Variants in RHEB observed in about 807,000 individuals in gnomAD.
RHEB encodes the protein GTP-binding protein Rheb.
Under a neutral mutation model 28.8 loss-of-function variants are expected in RHEB, and 2 were observed. The observed-to-expected ratio is 0.07, with a 90% CI of 0.03 to 0.22. RHEB has a LOEUF of 0.22. RHEB is among the 10% of genes least tolerant of loss of function. RHEB has a pLI of 1.00. For synonymous variants in RHEB, 69 were observed against 77.3 expected (o/e 0.89, Z 0.56); for missense variants, 76 against 219.9 (o/e 0.35, Z 4.14).
intron 3 of RHEB, among the ~76,000 whole-genome samples, chr7:151,478,383 T>C (rs1348898878): frequency 7.1e-6 from 1 of 141,636 alleles, no homozygotes; most frequent in Admixed American, 6.9e-5. Context: ...TAAAGTTCTT[T>C]AAAGAAAAAA....
At chr7:151,503,126 G>A in intron 1 of RHEB, 2 of 806,492 alleles carry the variant, frequency 2.5e-6, no homozygotes, top group Non-Finnish European at 4.5e-6. Context: ...AATGGTCTAT[G>A]AAAATCTGGA....
chr7:151,480,540 T>A (rs1802364653), intron 3 of RHEB, among the ~76,000 whole-genome samples: 1 of 152,170 alleles, frequency 6.6e-6, no homozygotes, highest in Non-Finnish European at 1.5e-5. Flanking sequence ...TCTTAAGTTT[T>A]ACTATTTACA....
chr7:151,467,288 C>T (rs910676422), intron 7 of RHEB, 77 bp from the exon 8 acceptor site: 65 of 1,072,958 alleles, frequency 6.1e-5, no homozygotes, highest in Non-Finnish European at 7.3e-5. Context: ...CTGAGGAGGG[C>T]GTGCCGCCTG....
In RHEB at chr7:151,475,611, T is replaced by C. The variant is rs537169803; in HGVS notation, c.275+1722A>G. ...ATAAAAATGGCCAATAGTTTTACTA[T>C]TTAAAGTGCTCTTATAAGTCAGTAA... On this transcript the variant is annotated intron_variant, in intron 4 of 7. Transcript: ENST00000262187. Among the ~76,000 whole-genome samples the C allele has an allele frequency of 1.2e-4, 19 of 152,342 alleles. No homozygotes were observed. In the South Asian group the frequency reaches 2.1e-3, roughly 17 times the overall value.
At chr7:151,483,321 T>C (rs1802411000) in intron 3 of RHEB, among the ~76,000 whole-genome samples, 1 of 152,152 alleles carries the variant, frequency 6.6e-6, no homozygotes, top group African/African-American at 2.4e-5. Flanking sequence ...TTATTCTGGG[T>C]CTACTCCAAT....
chr7:151,475,288 G>A (rs1486841822), intron 4 of RHEB, among the ~76,000 whole-genome samples: 1 of 152,106 alleles, frequency 6.6e-6, no homozygotes, highest in Admixed American at 6.5e-5. Flanking sequence ...AAAAATCAGT[G>A]GATGCACTAA....
At chr7:151,482,462 C>A (rs1296975182) in intron 3 of RHEB, among the ~76,000 whole-genome samples, 1 of 152,186 alleles carries the variant, frequency 6.6e-6, no homozygotes, top group African/African-American at 2.4e-5. Flanking sequence ...CAAATCCAGG[C>A]AAGTGTAACC....
intron 2 of RHEB, among the ~76,000 whole-genome samples, chr7:151,487,895 T>A (rs1802510669): frequency 6.6e-6 from 1 of 152,114 alleles, no homozygotes; most frequent in Non-Finnish European, 1.5e-5. Flanking sequence ...GTCATAGAGG[T>A]TTCCAAAATT....
intron 1 of RHEB, among the ~76,000 whole-genome samples, chr7:151,505,304 A>T (rs928422869): frequency 6.6e-6 from 1 of 152,248 alleles, no homozygotes; most frequent in Non-Finnish European, 1.5e-5. Context: ...AAGGACTTTT[A>T]TTCAGAATAT....
intron 2 of RHEB, among the ~76,000 whole-genome samples, chr7:151,485,383 A>G (rs1802452605): frequency 6.6e-6 from 1 of 152,244 alleles, no homozygotes; most frequent in Non-Finnish European, 1.5e-5. Context: ...ACAAGGGAGG[A>G]AAGAAAATCA....
At chr7:151,469,508 G>A (rs1046779616) in intron 7 of RHEB, among the ~76,000 whole-genome samples, 1 of 125,398 alleles carries the variant, frequency 8.0e-6, no homozygotes, top group Non-Finnish European at 1.9e-5. Flanking sequence ...GGCTGCTGGC[G>A]CCCGGCCCTC....
chr7:151,479,807 A>G (rs1470729619), intron 3 of RHEB, among the ~76,000 whole-genome samples: 2 of 152,210 alleles, frequency 1.3e-5, no homozygotes, highest in Non-Finnish European at 2.9e-5. Flanking sequence ...TGCATCTCAG[A>G]TCATATACAA....
chr7:151,498,823 G>A (rs951140227), intron 1 of RHEB, among the ~76,000 whole-genome samples: 5 of 152,186 alleles, frequency 3.3e-5, no homozygotes, highest in African/African-American at 4.8e-5. Context: ...CTCTCCAGTC[G>A]TCCTTTCTCC....
chr7:151,473,773 ATCATAG>A (rs1364622380), intron 4 of RHEB, among the ~76,000 whole-genome samples: 4 of 152,208 alleles, frequency 2.6e-5, no homozygotes. Flanking sequence ...AGTTAAATTC[ATCATAG>A]TCATAATTTA....
intron 3 of RHEB, among the ~76,000 whole-genome samples, chr7:151,481,145 G>A (rs1309829525): frequency 2.2e-5 from 3 of 138,894 alleles, no homozygotes; most frequent in Non-Finnish European, 4.7e-5. Flanking sequence ...TTTTTTTTTT[G>A]ATACTTCACA....
At chr7:151,493,267 C>T (rs144503079) in intron 1 of RHEB, among the ~76,000 whole-genome samples, 81 of 152,262 alleles carry the variant, frequency 5.3e-4, no homozygotes, top group Non-Finnish European at 5.4e-4. Flanking sequence ...CCCTTCTGCT[C>T]CTGGAGTTCC....
intron 1 of RHEB, among the ~76,000 whole-genome samples, chr7:151,513,471 T>C (rs988777678): frequency 1.3e-5 from 2 of 152,184 alleles, no homozygotes; most frequent in Non-Finnish European, 2.9e-5. Flanking sequence ...TTTGCAGAGA[T>C]TGGTGGTGAT....
intron 1 of RHEB, among the ~76,000 whole-genome samples, chr7:151,498,353 T>C (rs1185979918): frequency 6.6e-6 from 1 of 152,158 alleles, no homozygotes; most frequent in Admixed American, 6.5e-5. Context: ...ATACAGTAGC[T>C]GTAATCCTAG....
At chr7:151,478,720 C>T (rs549750903) in intron 3 of RHEB, among the ~76,000 whole-genome samples, 2 of 152,210 alleles carry the variant, frequency 1.3e-5, no homozygotes, top group East Asian at 3.9e-4. Context: ...ACTGCAACCT[C>T]CACCTCTCAG....
Sources: gnomAD v4.1 joint callset for allele counts (sites outside exome capture counted in the v4.1 genomes callset) on GRCh38, gnomAD v4.1.1 for gene constraint, MANE v1.5 for transcripts, NCBI Gene and HGNC (gene_info 2026-07-23, HGNC 2026-07-21) for gene names.